CBLL1: variants seen among roughly 807,000 people sequenced by gnomAD.
CBLL1 encodes the protein Cbl proto-oncogene like 1, also known as E3 ubiquitin-protein ligase Hakai.
A neutral mutation model predicts 44.9 loss-of-function variants in CBLL1; 4 were observed. The observed-to-expected ratio is 0.09, with a 90% CI of 0.04 to 0.20. The LOEUF is 0.20. Ranked by LOEUF, CBLL1 falls within the 10% of genes least tolerant of loss-of-function variation. The pLI, the probability that CBLL1 is intolerant of heterozygous loss-of-function variation, is 1.00. For synonymous variants in CBLL1, 235 were observed against 202.2 expected (o/e 1.16, Z -1.38); for missense variants, 569 against 636.7 (o/e 0.89, Z 1.14).
intron 1 of CBLL1, chr7:107,744,417 G>A (rs1792900986): frequency 2.2e-6 from 1 of 457,064 alleles, no homozygotes; most frequent in Non-Finnish European, 3.8e-6. Context: ...GTTCTGCTGA[G>A]CTCCGAGCCC....
At chr7:107,751,979 C>G (rs1793315320) in intron 2 of CBLL1, among the ~76,000 whole-genome samples, 1 of 152,008 alleles carries the variant, frequency 6.6e-6, no homozygotes, top group Non-Finnish European at 1.5e-5. Flanking sequence ...ACGGGCGGGT[C>G]ATGAGGTCAG....
At chr7:107,746,263 T>C (rs1202192272) in intron 1 of CBLL1, among the ~76,000 whole-genome samples, 1 of 152,218 alleles carries the variant, frequency 6.6e-6, no homozygotes, top group African/African-American at 2.4e-5. Context: ...AAAGAGTGTT[T>C]ATTATCTTAA....
At position 107,760,955 on chromosome 7, in the gene CBLL1, C is replaced by G. The variant is rs1300307275; in HGVS notation, c.*1777C>G. 6.6e-6 allele frequency: 1 copy of G among 152,026 alleles called. No homozygotes were observed. Among genetic ancestry groups the G allele is most frequent in the Non-Finnish European group, 1.5e-5 (1 of 67,886 alleles). 9.4% of individuals were successfully genotyped at this position (152,026 alleles called of 1,614,324 possible). A position where few individuals can be genotyped will look rare whatever the true frequency, so the allele number is the denominator to read the frequency against. On this transcript the variant is annotated 3_prime_UTR_variant, in exon 6 of 6. Coordinates refer to ENST00000440859, the MANE Select transcript of CBLL1 (RefSeq NM_024814.4). ...TTCTACATTTAGCAGTTTGAAAGTC[C>G]AGTGTTAATGCAATATTTCTAGTGA... is the stretch of plus-strand genomic sequence containing the variant.
rs974125701 is a variant in CBLL1, at chr7:107,754,057, T to C, written c.366+79T>C. ...TTCTGAAATTTAGATAGGTTTATCA[T>C]TGTTTAATGACTAAGTTTGCAAAAT... On this transcript the variant is annotated intron_variant, in intron 4 of 5. Coordinates refer to ENST00000440859, the MANE Select transcript of CBLL1 (RefSeq NM_024814.4). 1.5e-5 allele frequency: 12 copies of C among 824,434 alleles called. No individual in the cohort carries two copies. In the Admixed American group the frequency reaches 3.2e-4, roughly 22 times the overall value. 51.1% of individuals were successfully genotyped at this position (824,434 alleles called of 1,614,324 possible). A position where few individuals can be genotyped will look rare whatever the true frequency, so the allele number is the denominator to read the frequency against.
At chr7:107,748,769 A>G (rs1793126903) in intron 1 of CBLL1, 111 bp from the exon 2 acceptor site, 1 of 871,092 alleles carries the variant, frequency 1.1e-6, no homozygotes, top group Non-Finnish European at 1.7e-6. Flanking sequence ...GAAAATCAGA[A>G]CCCAGATCTT....
chr7:107,758,943 C>T lies in CBLL1; in HGVS notation c.1241C>T (p.Pro414Leu), dbSNP rs1428785066. ...PGPPPPQHGG[P>L]PVTAPPPHHY... ...CCTCCCCCACCTCAACATGGTGGTCCACCTGTAACTGCACCCCCTCCTCAC... is the reference window on the plus strand; with the variant it reads ...CCTCCCCCACCTCAACATGGTGGTCTACCTGTAACTGCACCCCCTCCTCAC... Residue 414 changes from proline (P) to leucine (L), a missense_variant, in exon 6 of 6, where the codon CCA becomes CTA. Coordinates refer to ENST00000440859, the MANE Select transcript of CBLL1 (RefSeq NM_024814.4). This position sits in a 1 kb window ranked among gnomAD's most constrained non-coding sequence, Gnocchi z 4.2. 1 of 1,613,458 alleles carries T rather than the reference C, an allele frequency of 6.2e-7. No homozygotes were observed. Among genetic ancestry groups the T allele is most frequent in the African/African-American group, 1.3e-5 (1 of 74,982 alleles).
chr7:107,752,988 A>G (rs1268015260), intron 2 of CBLL1, among the ~76,000 whole-genome samples: 1 of 152,236 alleles, frequency 6.6e-6, no homozygotes, highest in Non-Finnish European at 1.5e-5. Context: ...TCAGTCTCTT[A>G]GCATACCATT....
rs757697015 is a variant in CBLL1, at chr7:107,753,426, A to C, written c.197A>C (p.Asn66Thr). 3 of 1,575,968 alleles carry C rather than the reference A, an allele frequency of 1.9e-6. No individual in the cohort carries two copies. In the South Asian group the frequency reaches 3.6e-5, roughly 19 times the overall value. Residue 66 changes from asparagine to threonine, a missense_variant, in exon 3 of 6, where the codon AAT (asparagine) becomes ACT (threonine). Asn to Thr is a moderately conservative substitution (Grantham distance 65, BLOSUM62 0). This residue lies in a region of CBLL1 where 209 missense variants were observed against 202.8 expected (regional missense o/e 1.03). Transcript: ENST00000440859. ...TTTTTCTCAGAAGGATTTGATTATA[A>C]TGAAGAAGAACGGTATGACTGTAAA... ...PPGDEEGFDY[N>T]EEERYDCKGG...
At chr7:107,754,574 G>C (rs1298982134) in intron 4 of CBLL1, among the ~76,000 whole-genome samples, 1 of 152,148 alleles carries the variant, frequency 6.6e-6, no homozygotes, top group African/African-American at 2.4e-5. Context: ...GGATTATGCA[G>C]TGTTGCTTTG....
Position 107,758,444 on chromosome 7 carries a change from G to A in CBLL1, c.742G>A (p.Val248Met), listed in dbSNP as rs200900227. The A allele has an allele frequency of 1.2e-6, 2 of 1,613,956 alleles. No homozygotes were observed. Among genetic ancestry groups the A allele is most frequent in the East Asian group, 2.2e-5 (1 of 44,890 alleles). Residue 248 changes from valine to methionine, a missense_variant, in exon 6 of 6, where the codon GTG (valine) becomes ATG (methionine). Around this residue, in one of 5 missense-constraint regions of CBLL1, gnomAD observed 111 missense variants for 113.0 expected, o/e 0.98. Transcript: ENST00000440859. The surrounding 1 kb of genome is among the most constrained non-coding windows in gnomAD (Gnocchi z 4.2). ...GATGCCACCACCTCCTTTGCAACAT[G>A]TGCCACATGAGCACTATAATCAGCC... ...IMMPPPPLQHVPHEHYNQPHE... is the reference protein window; with the variant it reads ...IMMPPPPLQHMPHEHYNQPHE...
chr7:107,751,707 G>T (rs890916700), intron 2 of CBLL1, among the ~76,000 whole-genome samples: 3 of 152,104 alleles, frequency 2.0e-5, no homozygotes, highest in Admixed American at 2.0e-4. Flanking sequence ...TTCAAACAAT[G>T]CAGAAAAGCC....
intron 1 of CBLL1, among the ~76,000 whole-genome samples, chr7:107,748,141 A>G (rs1320981130): frequency 6.6e-6 from 1 of 152,152 alleles, no homozygotes; most frequent in Non-Finnish European, 1.5e-5. Flanking sequence ...ATAACAAGCA[A>G]AGACTCCAGG....
Position 107,761,243 on chromosome 7 carries a change from G to A in CBLL1, c.*2065G>A, listed in dbSNP as rs1223347388. ...TTGAAAGTCACTAGAGTTGAATGTG[G>A]TAAGAAACCACTTAGCCTATGTATT... is the stretch of plus-strand genomic sequence containing the variant. On this transcript the variant is annotated 3_prime_UTR_variant, in exon 6 of 6. Transcript: ENST00000440859. 6.6e-6 allele frequency: 1 copy of A among 152,160 alleles called. No homozygotes were observed. The highest frequency in any genetic ancestry group is 1.5e-5 in the Non-Finnish European group (1 of 67,898). 9.4% of individuals were successfully genotyped at this position (152,160 alleles called of 1,614,324 possible). A position where few individuals can be genotyped will look rare whatever the true frequency, so the allele number is the denominator to read the frequency against.
At chr7:107,744,379 C>G in intron 1 of CBLL1, 1 of 576,252 alleles carries the variant, frequency 1.7e-6, no homozygotes, top group Non-Finnish European at 2.8e-6. Context: ...CTACCTCCTC[C>G]GTGCCGGCAA....
intron 3 of CBLL1, 56 bp from the exon 4 acceptor site, chr7:107,753,839 A>T: frequency 9.2e-7 from 1 of 1,087,738 alleles, no homozygotes; most frequent in Non-Finnish European, 1.3e-6. Flanking sequence ...TTCATTGTGT[A>T]GATACAATCT....
At chr7:107,750,312 CT>C (rs879672233) in intron 2 of CBLL1, among the ~76,000 whole-genome samples, 59 of 145,312 alleles carry the variant, frequency 4.1e-4, no homozygotes, top group East Asian at 2.6e-3. Flanking sequence ...TGCAGAGAAT[CT>C]TTTTTTTTTT....
At chr7:107,752,114 G>A (rs529447711) in intron 2 of CBLL1, among the ~76,000 whole-genome samples, 18 of 151,348 alleles carry the variant, frequency 1.2e-4, no homozygotes, top group Non-Finnish European at 2.5e-4. Flanking sequence ...CAGGAGAATG[G>A]CATGAACCTG....
At chr7:107,756,964 T>C (rs1448244115) in intron 5 of CBLL1, among the ~76,000 whole-genome samples, 6 of 152,124 alleles carry the variant, frequency 3.9e-5, no homozygotes, top group Non-Finnish European at 5.9e-5. Flanking sequence ...CTTCACATCT[T>C]GTTAAGGTGG....
At chr7:107,754,508 T>C (rs1793442185) in intron 4 of CBLL1, among the ~76,000 whole-genome samples, 1 of 152,096 alleles carries the variant, frequency 6.6e-6, no homozygotes, top group Admixed American at 6.5e-5. Context: ...GTTTTGCATT[T>C]GCCTTTAGAA....
Sources: allele counts gnomAD v4.1 joint callset (sites outside exome capture counted in the v4.1 genomes callset), GRCh38; gene constraint gnomAD v4.1.1; regional missense constraint gnomAD v4.1.1; non-coding constraint Gnocchi (gnomAD v3.1); transcripts MANE v1.5; gene names NCBI Gene and HGNC (gene_info 2026-07-23, HGNC 2026-07-21).